Variants in ATRNL1 observed in about 807,000 individuals in gnomAD.
The protein encoded by ATRNL1 is attractin-like protein 1.
A neutral mutation model predicts 182.7 loss-of-function variants in ATRNL1; 95 were observed. That is an observed-to-expected ratio of 0.52 (90% CI 0.44 to 0.62). ATRNL1 has a LOEUF of 0.62. ATRNL1 is among the 20% of genes least tolerant of loss of function. ATRNL1 has a pLI of 0.00. For missense variants in ATRNL1, 1,471 were observed against 1,679.5 expected, an observed-to-expected ratio of 0.88 and a Z score of 2.17; for synonymous variants, 576 against 568.3, an observed-to-expected ratio of 1.01 and a Z score of -0.19.
At chr10:115,267,687 T>A (rs1851665044) in intron 12 of ATRNL1, among the ~76,000 whole-genome samples, 1 of 152,200 alleles carries the variant, frequency 6.6e-6, no homozygotes, top group African/African-American at 2.4e-5. Flanking sequence ...TTTGTTATGA[T>A]GTTTTCTTTT....
At chr10:115,898,021 G>C (rs913075937) in intron 28 of ATRNL1, among the ~76,000 whole-genome samples, 1 of 151,740 alleles carries the variant, frequency 6.6e-6, no homozygotes, top group African/African-American at 2.4e-5. Context: ...CCGTCTTCCC[G>C]GGTTCAAGCA....
rs1374680682 is a variant in ATRNL1, at chr10:115,678,650, T to C, written c.3796-48598T>C. Among the ~76,000 whole-genome samples, 4 of 152,130 alleles carry C rather than the reference T, an allele frequency of 2.6e-5. No homozygotes were observed. In the East Asian group the frequency reaches 7.7e-4, roughly 29 times the overall value. On this transcript the variant is annotated intron_variant, in intron 26 of 28. Transcript: ENST00000355044. ...CATTAAAGACAGAAGTTTATATTTG[T>C]CTTATATTATCTGTCCCCTTCCAAA...
chr10:115,609,352 ACTCT>A (rs1196424442), intron 26 of ATRNL1, among the ~76,000 whole-genome samples: 1 of 152,132 alleles, frequency 6.6e-6, no homozygotes, highest in Non-Finnish European at 1.5e-5. Context: ...AAGGAAAGAC[ACTCT>A]GCTCTGAAGC....
intron 25 of ATRNL1, among the ~76,000 whole-genome samples, chr10:115,527,221 C>A (rs1017814880): frequency 6.6e-6 from 1 of 151,452 alleles, no homozygotes; most frequent in East Asian, 2.0e-4. Context: ...CAGGCTCAAG[C>A]GATCCTCCCA....
intron 27 of ATRNL1, among the ~76,000 whole-genome samples, chr10:115,832,155 T>C (rs1244942378): frequency 2.0e-5 from 3 of 152,216 alleles, no homozygotes; most frequent in African/African-American, 7.2e-5. Context: ...GAAACCTGTT[T>C]AGTTTCTGTA....
intron 26 of ATRNL1, among the ~76,000 whole-genome samples, chr10:115,682,245 A>T (rs574771656): frequency 3.1e-4 from 47 of 152,300 alleles, no homozygotes; most frequent in Non-Finnish European, 5.4e-4. Flanking sequence ...GAAACAGAAA[A>T]AAAGGAATAT....
intron 27 of ATRNL1, among the ~76,000 whole-genome samples, chr10:115,771,582 G>A (rs549551555): frequency 6.6e-6 from 1 of 152,214 alleles, no homozygotes; most frequent in African/African-American, 2.4e-5. Flanking sequence ...AAATCTCTCA[G>A]CATTTTTAGA....
At chr10:115,852,501 G>A (rs564599642) in intron 28 of ATRNL1, among the ~76,000 whole-genome samples, 1 of 152,078 alleles carries the variant, frequency 6.6e-6, no homozygotes. Context: ...ATTCATTGGT[G>A]TGACCCTCTT....
At chr10:115,360,314 G>C (rs1353457458) in intron 19 of ATRNL1, among the ~76,000 whole-genome samples, 1 of 142,348 alleles carries the variant, frequency 7.0e-6, no homozygotes, top group Non-Finnish European at 1.6e-5. Context: ...AAATGGAAAA[G>C]TTCTATTTAA....
At chr10:115,556,056 T>A (rs2804240) in intron 26 of ATRNL1, among the ~76,000 whole-genome samples, 45,441 of 151,824 alleles carry the variant, frequency 0.3, 7,911 homozygotes, top group East Asian at 0.68. Context: ...ACTTTAGAGA[T>A]AGCCTGAGTT....
chr10:115,838,354 A>C (rs1230020539), intron 27 of ATRNL1, among the ~76,000 whole-genome samples: 1 of 152,184 alleles, frequency 6.6e-6, no homozygotes, highest in African/African-American at 2.4e-5. Context: ...GAAATTAGGC[A>C]GTGCTTTGAA....
chr10:115,199,282 A>T (rs1484527353), intron 8 of ATRNL1, among the ~76,000 whole-genome samples: 1 of 151,936 alleles, frequency 6.6e-6, no homozygotes, highest in Non-Finnish European at 1.5e-5. Context: ...AATAAAAGAA[A>T]ATGTTTCGGC....
intron 25 of ATRNL1, among the ~76,000 whole-genome samples, chr10:115,537,372 C>T (rs1852093589): frequency 6.6e-6 from 1 of 152,250 alleles, no homozygotes; most frequent in Non-Finnish European, 1.5e-5. Context: ...TACTGGGAAA[C>T]AGTCTCTTTT....
intron 20 of ATRNL1, among the ~76,000 whole-genome samples, chr10:115,403,232 C>G (rs1224682431): frequency 8.8e-6 from 1 of 113,956 alleles, no homozygotes; most frequent in Admixed American, 8.1e-5. Flanking sequence ...TATCTTGGAT[C>G]TTTATTTTTC....
intron 18 of ATRNL1, among the ~76,000 whole-genome samples, chr10:115,330,567 A>G (rs1855159382): frequency 1.3e-5 from 2 of 151,350 alleles, no homozygotes; most frequent in Non-Finnish European, 2.9e-5. Context: ...CTTGGCAGGC[A>G]GTTTTGTTGT....
intron 22 of ATRNL1, among the ~76,000 whole-genome samples, chr10:115,466,300 C>A (rs151113494): frequency 6.6e-6 from 1 of 151,342 alleles, no homozygotes; most frequent in African/African-American, 2.4e-5. Context: ...TCTCTTACTC[C>A]GTTTCACTAG....
Position 115,517,148 on chromosome 10 carries a change from G to A in ATRNL1, c.3655-2115G>A, listed in dbSNP as rs533303751. Reference sequence around the variant, plus strand: ...ATCAGATAACTTTTAAAAGAGATATGCATGTTAATAATTTCTTCCAAAATT... The same window carrying A: ...ATCAGATAACTTTTAAAAGAGATATACATGTTAATAATTTCTTCCAAAATT... On this transcript the variant is annotated intron_variant, in intron 24 of 28. Coordinates refer to ENST00000355044, the MANE Select transcript of ATRNL1 (RefSeq NM_207303.4). 2.1e-4 allele frequency among the ~76,000 whole-genome samples: 32 copies of A among 152,040 alleles called. No homozygotes were observed. The South Asian group carries it at 6.6e-3, about 31-fold the overall frequency.
At chr10:115,640,373 C>A (rs1859161433) in intron 26 of ATRNL1, among the ~76,000 whole-genome samples, 1 of 152,108 alleles carries the variant, frequency 6.6e-6, no homozygotes, top group Non-Finnish European at 1.5e-5. Context: ...AATGGTTGAA[C>A]CTAATTTACA....
intron 28 of ATRNL1, among the ~76,000 whole-genome samples, chr10:115,901,171 T>A (rs901845130): frequency 6.6e-6 from 1 of 152,208 alleles, no homozygotes; most frequent in African/African-American, 2.4e-5. Flanking sequence ...GGTCCTACTA[T>A]GTAAAAATTT....
Sources: allele counts gnomAD v4.1 joint callset (sites outside exome capture counted in the v4.1 genomes callset), GRCh38; gene constraint gnomAD v4.1.1; transcripts MANE v1.5; gene names NCBI Gene and HGNC (gene_info 2026-07-23, HGNC 2026-07-21).